Variants in TFG observed in about 807,000 individuals in gnomAD.
TFG encodes trafficking from ER to golgi regulator.
A neutral mutation model predicts 51.4 loss-of-function variants in TFG; 22 were observed. The observed-to-expected ratio is 0.43, with a 90% CI of 0.31 to 0.61. TFG has a LOEUF of 0.61. Ranked by LOEUF, TFG falls within the 20% of genes least tolerant of loss-of-function variation. The probability of loss-of-function intolerance (pLI) is 0.12; values close to 1 mark genes in which losing one functional copy is unlikely to be tolerated. For missense variants in TFG, 419 were observed against 487.7 expected (o/e 0.86, Z 1.33); for synonymous variants, 187 against 165.6 (o/e 1.13, Z -0.99).
intron 6 of TFG, among the ~76,000 whole-genome samples, chr3:100,737,421 C>T (rs558321856): frequency 6.6e-6 from 1 of 152,350 alleles, no homozygotes; most frequent in African/African-American, 2.4e-5. Context: ...ACAGACTTCA[C>T]ACAGCAGGCA....
chr3:100,715,079 C>T (rs902808667), intron 2 of TFG, among the ~76,000 whole-genome samples: 8 of 152,172 alleles, frequency 5.3e-5, no homozygotes, highest in African/African-American at 1.9e-4. Context: ...TTTTTAAATA[C>T]TTTTACCTCT....
chr3:100,723,154 A>G (rs769864892), intron 3 of TFG, among the ~76,000 whole-genome samples: 9 of 152,182 alleles, frequency 5.9e-5, no homozygotes, highest in Non-Finnish European at 1.0e-4. Context: ...CTGGGCAATA[A>G]TATGTAAGAA....
intron 1 of TFG, among the ~76,000 whole-genome samples, chr3:100,710,506 C>G (rs1478060465): frequency 1.3e-5 from 2 of 152,204 alleles, no homozygotes; most frequent in Non-Finnish European, 2.9e-5. Flanking sequence ...TACAGGTTGA[C>G]TTGGCTTAGT....
intron 7 of TFG, chr3:100,747,547 CT>C (rs2095141910): frequency 6.6e-6 from 1 of 152,168 alleles, no homozygotes; most frequent in South Asian, 2.1e-4. Context: ...ATAGATGTTG[CT>C]TTTTATGGGG....
chr3:100,711,484 A>T (rs184298243), intron 1 of TFG, among the ~76,000 whole-genome samples: 15 of 152,308 alleles, frequency 9.8e-5, no homozygotes, highest in African/African-American at 2.9e-4. Context: ...TCAAAGCTGG[A>T]ATTTTTTTCT....
intron 3 of TFG, among the ~76,000 whole-genome samples, chr3:100,728,022 T>TGAA (rs1195914578): frequency 6.6e-6 from 1 of 152,090 alleles, no homozygotes; most frequent in Non-Finnish European, 1.5e-5. Context: ...TTTGTAGAGA[T>TGAA]GAAGTCTCAC....
chr3:100,723,443 A>G (rs540733157), intron 3 of TFG, among the ~76,000 whole-genome samples: 30 of 152,256 alleles, frequency 2.0e-4, no homozygotes, highest in African/African-American at 5.8e-4. Context: ...TTGACTACAT[A>G]TATCGGTTAA....
chr3:100,741,242 T>C (rs140534284), intron 6 of TFG, among the ~76,000 whole-genome samples: 289 of 152,238 alleles, frequency 1.9e-3, no homozygotes, highest in African/African-American at 6.5e-3. Flanking sequence ...GGCATTGTTA[T>C]CATAGGAGAT....
At chr3:100,720,114 G>A (rs2095056690) in intron 3 of TFG, 56 bp downstream of exon 3, 1 of 1,184,440 alleles carries the variant, frequency 8.4e-7, no homozygotes, top group Admixed American at 2.6e-5. Context: ...TTTTAAAGAT[G>A]TTTGGCTTTT....
chr3:100,727,038 T>G (rs2095077887), intron 3 of TFG, among the ~76,000 whole-genome samples: 1 of 152,258 alleles, frequency 6.6e-6, no homozygotes, highest in Non-Finnish European at 1.5e-5. Context: ...TGGTCATTTT[T>G]CTGGTGTGGT....
At position 100,714,888 on chromosome 3, in the gene TFG, A is replaced by G. The variant is rs563867321; in HGVS notation, c.184+1019A>G. On this transcript the variant is annotated intron_variant, in intron 2 of 7. Coordinates refer to ENST00000240851, the MANE Select transcript of TFG (RefSeq NM_006070.6). ...TTTTGAATGAAAAATGTTTCGGCAA[A>G]CACACTGAGTAGAATTATAGTAGTA... Among the ~76,000 whole-genome samples, 122 of 152,296 alleles carry G rather than the reference A, an allele frequency of 8.0e-4. 1 individual carries two copies. In the Middle Eastern group the frequency reaches 0.01, roughly 13 times the overall value.
intron 4 of TFG, among the ~76,000 whole-genome samples, chr3:100,732,100 A>G (rs1292467594): frequency 6.6e-6 from 1 of 152,158 alleles, no homozygotes; most frequent in Non-Finnish European, 1.5e-5. Context: ...GTTTCTTTTT[A>G]TAAAATAAAG....
intron 5 of TFG, among the ~76,000 whole-genome samples, chr3:100,734,264 C>T (rs998617065): frequency 1.4e-4 from 21 of 152,224 alleles, no homozygotes; most frequent in African/African-American, 5.1e-4. Flanking sequence ...TGGTGTATAG[C>T]AGCTGATATG....
At chr3:100,714,159 T>C (rs1382130618) in intron 2 of TFG, among the ~76,000 whole-genome samples, 2 of 152,180 alleles carry the variant, frequency 1.3e-5, no homozygotes, top group African/African-American at 2.4e-5. Flanking sequence ...TTTCTTGTAT[T>C]GAATGTGATG....
chr3:100,742,484 C>T (rs1198068905), intron 6 of TFG: 3 of 152,174 alleles, frequency 2.0e-5, no homozygotes, highest in African/African-American at 7.2e-5. Context: ...TGAAATCTAT[C>T]CCATCAGCTC....
At chr3:100,733,727 T>G (rs576572803) in intron 5 of TFG, among the ~76,000 whole-genome samples, 3 of 152,298 alleles carry the variant, frequency 2.0e-5, no homozygotes, top group African/African-American at 7.2e-5. Flanking sequence ...GACTTGGACT[T>G]ATATTCTTTT....
At chr3:100,746,086 C>A (rs72928681) in intron 7 of TFG, among the ~76,000 whole-genome samples, 4,015 of 152,198 alleles carry the variant, frequency 0.026, 177 homozygotes, top group African/African-American at 0.091. Flanking sequence ...GTATAAAATA[C>A]ATAGAACTTA....
At chr3:100,740,699 A>G (rs1254782287) in intron 6 of TFG, among the ~76,000 whole-genome samples, 3 of 152,196 alleles carry the variant, frequency 2.0e-5, no homozygotes, top group African/African-American at 4.8e-5. Context: ...GAGGGTCATG[A>G]TAGAGGTTGG....
rs1490838014 is a variant in TFG, at chr3:100,748,726, T to C, written c.*195T>C. On this transcript the variant is annotated 3_prime_UTR_variant, in exon 8 of 8. Coordinates refer to ENST00000240851, the MANE Select transcript of TFG (RefSeq NM_006070.6). ...AAAATGAAAGTTTTTTCCTCCCTGC[T>C]TAAAAATGTAGCAGCTTCTTAGTTA... The C allele has an allele frequency of 1.7e-5, 10 of 601,222 alleles. No individual in the cohort carries two copies. The highest frequency in any genetic ancestry group is 2.8e-5 in the Non-Finnish European group (10 of 363,504). The allele number at this position is 601,222 out of a possible 1,614,324, so 37.2% of individuals were successfully genotyped here. A position where few individuals can be genotyped will look rare whatever the true frequency, so the allele number is the denominator to read the frequency against.
Sources: gnomAD v4.1 joint callset for allele counts (sites outside exome capture counted in the v4.1 genomes callset) on GRCh38, gnomAD v4.1.1 for gene constraint, MANE v1.5 for transcripts, NCBI Gene and HGNC (gene_info 2026-07-23, HGNC 2026-07-21) for gene names.